Variants in FAM227B observed in about 807,000 individuals in gnomAD.
FAM227B encodes family with sequence similarity 227 member B.
FAM227B carries 88 observed loss-of-function variants against 73.8 expected under a neutral mutation model. The ratio of observed to expected loss-of-function variants is 1.19; its 90% confidence interval spans 1.00 to 1.42. The LOEUF is 1.42. Among genes scored for constraint, FAM227B ranks in the 40% most tolerant of loss-of-function variants. The pLI is 0.00. For missense variants in FAM227B, 632 were observed against 590.9 expected (o/e 1.07, Z -0.72); for synonymous variants, 210 against 190.5 (o/e 1.10, Z -0.84).
At chr15:49,615,448 T>G (rs2078228830) in intron 1 of FAM227B, among the ~76,000 whole-genome samples, 1 of 152,176 alleles carries the variant, frequency 6.6e-6, no homozygotes, top group South Asian at 2.1e-4. Context: ...GGGGGTGGTT[T>G]CTAATGATTT....
At chr15:49,465,561 T>C (rs16962528) in intron 11 of FAM227B, among the ~76,000 whole-genome samples, 49,265 of 151,944 alleles carry the variant, frequency 0.32, 8,702 homozygotes, top group African/African-American at 0.45. Context: ...AAAATATAAA[T>C]AGATTCAAGA....
chr15:49,415,795 C>A (rs1475508598), intron 11 of FAM227B, among the ~76,000 whole-genome samples: 1 of 152,102 alleles, frequency 6.6e-6, no homozygotes. Context: ...ATCTTATATA[C>A]AGTTAGTTTT....
chr15:49,434,721 A>G (rs943644588), intron 11 of FAM227B: 4 of 151,590 alleles, frequency 2.6e-5, no homozygotes, highest in Non-Finnish European at 5.9e-5. Context: ...GCTTCGAATG[A>G]TTGCTATGTT....
chr15:49,388,103 T>C (rs1371372341), intron 11 of FAM227B, among the ~76,000 whole-genome samples: 1 of 151,644 alleles, frequency 6.6e-6, no homozygotes, highest in Non-Finnish European at 1.5e-5. Flanking sequence ...AATACCAACA[T>C]TGTTTTTCAC....
chr15:49,424,025 C>A, intron 11 of FAM227B: 2 of 329,258 alleles, frequency 6.1e-6, no homozygotes, highest in East Asian at 5.1e-5. Context: ...TCTCTCATTG[C>A]AAACAGAAGT....
chr15:49,524,616 C>G (rs2060022036), intron 10 of FAM227B, among the ~76,000 whole-genome samples: 1 of 152,148 alleles, frequency 6.6e-6, no homozygotes, highest in Non-Finnish European at 1.5e-5. Context: ...TCTCCAGTCC[C>G]CAGAATGGTA....
chr15:49,328,133 G>T lies in FAM227B; in HGVS notation c.*435C>A. ...TTTGTTTGCTACCAAACCTGGAGGT[G>T]GGGCTTTGGTTTTGCTTGAGGCCTG... is the stretch of plus-strand genomic sequence containing the variant. On this transcript the variant is annotated 3_prime_UTR_variant, in exon 16 of 16. Transcript: ENST00000299338. The T allele has an allele frequency of 1.2e-6, 2 of 1,614,010 alleles. No individual in the cohort carries two copies. The highest frequency in any genetic ancestry group is 1.1e-5 in the South Asian group (1 of 91,048).
Position 49,335,481 on chromosome 15 carries a change from T to C in FAM227B, c.1287A>G (p.Thr429=), listed in dbSNP as rs1472990988. The C allele has an allele frequency of 6.2e-7, 1 of 1,613,426 alleles. No individual in the cohort carries two copies. Among genetic ancestry groups the C allele is most frequent in the East Asian group, 2.2e-5 (1 of 44,860 alleles). The change falls in exon 14 of 16, where the codon ACA becomes ACG. Residue 429 remains threonine, a synonymous_variant. Transcript: ENST00000299338. ...TTGCCTCCTTTATAACATCACGGTA[T>C]GTTGGAGCAGGTAGTGTGCTAGGCT... ...KIFQEPLPAP[T]YRDVIKEAKR... is the part of the protein sequence containing the mutation.
In FAM227B at chr15:49,582,490, A is replaced by G. The variant is rs142670129; in HGVS notation, c.406-4826T>C. On this transcript the variant is annotated intron_variant, in intron 5 of 15. Coordinates refer to ENST00000299338, the MANE Select transcript of FAM227B (RefSeq NM_152647.3). ...CCAGATTCATAAAGCAAGTTCTTAG[A>G]GACCTTCAAAGAGACTTAGACTCCC... Among the ~76,000 whole-genome samples the G allele has an allele frequency of 2.5e-3, 374 of 152,350 alleles. 2 individuals are homozygous for G. The highest frequency in any genetic ancestry group is 8.7e-3 in the African/African-American group (360 of 41,584).
chr15:49,329,773 G>T (rs1596185519), intron 15 of FAM227B: 3 of 944,286 alleles, frequency 3.2e-6, no homozygotes, highest in African/African-American at 1.8e-5. Context: ...TTTGTGGTTG[G>T]TATATAATTC....
intron 11 of FAM227B, among the ~76,000 whole-genome samples, chr15:49,386,768 G>C (rs1204849714): frequency 6.6e-6 from 1 of 151,580 alleles, no homozygotes; most frequent in African/African-American, 2.4e-5. Flanking sequence ...GATTAACCAA[G>C]AAGAGGGAAG....
At chr15:49,618,912 ATG>A (rs931523960) in intron 1 of FAM227B, among the ~76,000 whole-genome samples, 5 of 152,174 alleles carry the variant, frequency 3.3e-5, no homozygotes, top group African/African-American at 1.2e-4. Flanking sequence ...GCTCACCAAT[ATG>A]TGTGTGTTTC....
At chr15:49,371,530 T>C in intron 11 of FAM227B, 131 bp from the exon 12 acceptor site, 1 of 438,096 alleles carries the variant, frequency 2.3e-6, no homozygotes, top group East Asian at 3.6e-5. Flanking sequence ...TAAAGAGTGT[T>C]AAGACATTGT....
chr15:49,328,315 C>T lies in FAM227B; in HGVS notation c.*253G>A. 7.0e-7 allele frequency: 1 copy of T among 1,433,938 alleles called. No homozygotes were observed. The allele number at this position is 1,433,938 out of a possible 1,614,324, so 88.8% of individuals were successfully genotyped here. A position where few individuals can be genotyped will look rare whatever the true frequency, so the allele number is the denominator to read the frequency against. Reference sequence around the variant, plus strand: ...TTTCAAAGAAATGGTTGAAAGCTCTCTATGCTTCATAATGATTCTTTTTCC... The same window carrying T: ...TTTCAAAGAAATGGTTGAAAGCTCTTTATGCTTCATAATGATTCTTTTTCC... On this transcript the variant is annotated 3_prime_UTR_variant, in exon 16 of 16. Transcript: ENST00000299338.
chr15:49,410,308 C>T (rs1343382890), intron 11 of FAM227B, among the ~76,000 whole-genome samples: 1 of 152,066 alleles, frequency 6.6e-6, no homozygotes, highest in African/African-American at 2.4e-5. Context: ...TCGTTTGAAC[C>T]CTGACAGCTC....
At chr15:49,500,967 T>C (rs1334084673) in intron 11 of FAM227B, among the ~76,000 whole-genome samples, 3 of 152,298 alleles carry the variant, frequency 2.0e-5, no homozygotes, top group East Asian at 1.9e-4. Context: ...TCTGCCATGA[T>C]TGTAAGCTTC....
chr15:49,472,066 C>G (rs956593269), intron 11 of FAM227B, among the ~76,000 whole-genome samples: 1 of 148,444 alleles, frequency 6.7e-6, no homozygotes, highest in Non-Finnish European at 1.5e-5. Flanking sequence ...CCATTAACAA[C>G]AGTGTTGAAA....
intron 9 of FAM227B, among the ~76,000 whole-genome samples, chr15:49,549,483 A>C (rs7182948): frequency 6.6e-6 from 1 of 151,908 alleles, no homozygotes; most frequent in South Asian, 2.1e-4. Flanking sequence ...CTGGCCTTCC[A>C]CAGTGTTTGT....
At chr15:49,453,172 A>C (rs2052931560) in intron 11 of FAM227B, among the ~76,000 whole-genome samples, 1 of 152,128 alleles carries the variant, frequency 6.6e-6, no homozygotes, top group African/African-American at 2.4e-5. Flanking sequence ...TGTAATAACA[A>C]CTGTATTTTT....
Sources: allele counts gnomAD v4.1 joint callset (sites outside exome capture counted in the v4.1 genomes callset), GRCh38; gene constraint gnomAD v4.1.1; transcripts MANE v1.5; gene names NCBI Gene and HGNC (gene_info 2026-07-23, HGNC 2026-07-21).